The following CCDC57 variants were observed in gnomAD, a reference collection of about 807,000 sequenced individuals.
CCDC57 encodes coiled-coil domain containing 57.
Under a neutral mutation model 118.9 loss-of-function variants are expected in CCDC57, and 118 were observed. The ratio of observed to expected loss-of-function variants is 0.99; its 90% CI spans 0.86 to 1.16. The LOEUF (loss-of-function observed/expected upper bound fraction) is 1.16. Among genes scored for constraint, CCDC57 ranks in the 50% most tolerant of loss-of-function variants. CCDC57 has a pLI of 0.00. For synonymous variants in CCDC57, 527 were observed against 532.9 expected (o/e 0.99, Z 0.15); for missense variants, 1,300 against 1,320.7 (o/e 0.98, Z 0.24).
In CCDC57 at chr17:82,192,525, T is replaced by TA. The variant is rs1461486746; in HGVS notation, c.851+1230dup. Among the ~76,000 whole-genome samples, 2 of 152,218 alleles carry TA rather than the reference T, an allele frequency of 1.3e-5. No individual in the cohort carries two copies. The highest frequency in any genetic ancestry group is 2.9e-5 in the Non-Finnish European group (2 of 68,028). On this transcript the variant is annotated intron_variant, in intron 7 of 19. Coordinates refer to ENST00000665763, the Ensembl canonical transcript of CCDC57. The surrounding 1 kb of genome is among the most constrained non-coding windows in gnomAD (Gnocchi z 4.0). ...TTTTGAAAAATGCCAGGTGTAGACTTAAAAACACACGAAGAGAAACAGTGT... is the reference window on the plus strand; with the variant it reads ...TTTTGAAAAATGCCAGGTGTAGACTTAAAAAACACACGAAGAGAAACAGTGT...
intron 7 of CCDC57, among the ~76,000 whole-genome samples, chr17:82,189,174 G>A (rs1409843718): frequency 6.6e-6 from 1 of 151,878 alleles, no homozygotes; most frequent in African/African-American, 2.4e-5. Context: ...AGGCTGAGGT[G>A]GGAGGACCAC....
chr17:82,106,381 C>T (rs1175927666), intron 19 of CCDC57: 1 of 152,510 alleles, frequency 6.6e-6, no homozygotes, highest in Non-Finnish European at 1.5e-5. Context: ...CATCTGAGCT[C>T]AGCCCACAGG....
intron 16 of CCDC57, among the ~76,000 whole-genome samples, chr17:82,143,292 A>T (rs1330593134): frequency 6.6e-6 from 1 of 152,238 alleles, no homozygotes; most frequent in African/African-American, 2.4e-5. Flanking sequence ...AGCAAGAAAG[A>T]ATAAAAATAA....
intron 19 of CCDC57, among the ~76,000 whole-genome samples, chr17:82,107,057 AAGG>A (rs1350134748): frequency 1.3e-5 from 2 of 152,098 alleles, no homozygotes; most frequent in African/African-American, 4.8e-5. Flanking sequence ...GACAGCTGGG[AAGG>A]AGGCCACACG....
At chr17:82,110,034 G>C (rs1208089154) in intron 19 of CCDC57, among the ~76,000 whole-genome samples, 1 of 148,976 alleles carries the variant, frequency 6.7e-6, no homozygotes, top group Admixed American at 6.7e-5. Flanking sequence ...AGGCTGGAGT[G>C]CAATGGTGTG....
intron 7 of CCDC57, among the ~76,000 whole-genome samples, chr17:82,188,890 G>A (rs543697072): frequency 6.6e-6 from 1 of 152,334 alleles, no homozygotes; most frequent in Admixed American, 6.5e-5. Flanking sequence ...TTGAACTCAA[G>A]CAATCCTCTC....
At chr17:82,207,085 G>A (rs142007014) in intron 2 of CCDC57, among the ~76,000 whole-genome samples, 10 of 152,218 alleles carry the variant, frequency 6.6e-5, no homozygotes, top group East Asian at 1.9e-4. Context: ...GACTGGCCCC[G>A]GTTGTCCCAG....
intron 11 of CCDC57, among the ~76,000 whole-genome samples, chr17:82,173,519 G>A (rs367853180): frequency 5.5e-4 from 84 of 152,232 alleles, no homozygotes; most frequent in African/African-American, 1.7e-3. Flanking sequence ...GACAGGAGAC[G>A]CGTCTACAAC....
At chr17:82,145,167 C>T (rs1449750082) in intron 16 of CCDC57, among the ~76,000 whole-genome samples, 3 of 151,052 alleles carry the variant, frequency 2.0e-5, no homozygotes, top group South Asian at 2.1e-4. Flanking sequence ...ATTACAGGCA[C>T]GTGCCCCAAC....
chr17:82,178,274 G>A (rs1298449126), intron 11 of CCDC57, among the ~76,000 whole-genome samples, 200 bp downstream of exon 10: 1 of 152,142 alleles, frequency 6.6e-6, no homozygotes, highest in Non-Finnish European at 1.5e-5. Context: ...TAAAACTTTC[G>A]AATATGAAAG....
At chr17:82,113,309 C>T (rs988572277) in intron 19 of CCDC57, 2 of 674,352 alleles carry the variant, frequency 3.0e-6, no homozygotes, top group Non-Finnish European at 5.5e-6. Flanking sequence ...CCTGTAGCTT[C>T]AGTGACAAGG....
rs1053587475 is a variant in CCDC57 at position 82,212,479 on chromosome 17, G to A, written c.-211+306C>T. On this transcript the variant is annotated intron_variant, in intron 1 of 19. Transcript: ENST00000665763. The surrounding 1 kb of genome is among the most constrained non-coding windows in gnomAD (Gnocchi z 4.1). ...CCGTCCTTGCCGGCGGCGGAACCCG[G>A]GGAATTCTCCCGGGGCTGCGGGGCC... 6.7e-6 allele frequency among the ~76,000 whole-genome samples: 1 copy of A among 149,668 alleles called. No individual in the cohort carries two copies. Among genetic ancestry groups the A allele is most frequent in the African/African-American group, 2.5e-5 (1 of 40,590 alleles).
chr17:82,126,606 G>T (rs1048164541), intron 19 of CCDC57: 28 of 985,288 alleles, frequency 2.8e-5, no homozygotes, highest in Non-Finnish European at 3.1e-5. Flanking sequence ...ACCGGCAAAA[G>T]TTCCGTGTGG....
chr17:82,197,289 C>T (rs554132760), intron 4 of CCDC57, among the ~76,000 whole-genome samples: 39 of 152,268 alleles, frequency 2.6e-4, no homozygotes, highest in Admixed American at 2.1e-3. Flanking sequence ...ACAGGCACAG[C>T]CCCTCATCAC....
At chr17:82,180,933 C>T (rs893994195) in intron 9 of CCDC57, among the ~76,000 whole-genome samples, 3 of 152,226 alleles carry the variant, frequency 2.0e-5, no homozygotes, top group Non-Finnish European at 2.9e-5. Context: ...AACACACGAG[C>T]GGTGCGGGGC....
At chr17:82,167,836 C>G (rs2044196922) in intron 13 of CCDC57, among the ~76,000 whole-genome samples, 1 of 151,978 alleles carries the variant, frequency 6.6e-6, no homozygotes, top group South Asian at 2.1e-4. Flanking sequence ...GGCTGGCCTT[C>G]AACTACTGAC....
chr17:82,162,204 G>T (rs893126459), intron 14 of CCDC57, among the ~76,000 whole-genome samples: 3 of 152,086 alleles, frequency 2.0e-5, no homozygotes, highest in African/African-American at 7.2e-5. Context: ...TCACCATGTT[G>T]GCCAGGCTGG....
At chr17:82,146,431 T>C (rs991152533) in intron 16 of CCDC57, among the ~76,000 whole-genome samples, 3 of 152,054 alleles carry the variant, frequency 2.0e-5, no homozygotes, top group South Asian at 4.1e-4. Context: ...GTGCAGTGAT[T>C]ATTCACAGGC....
At chr17:82,202,138 C>T (rs980149108) in intron 2 of CCDC57, among the ~76,000 whole-genome samples, 186 bp from the exon 2 acceptor site, 1 of 152,110 alleles carries the variant, frequency 6.6e-6, no homozygotes, top group Non-Finnish European at 1.5e-5. Flanking sequence ...CAAGACCAGC[C>T]TGGCCAACAT....
Sources: allele counts gnomAD v4.1 joint callset (sites outside exome capture counted in the v4.1 genomes callset), GRCh38; gene constraint gnomAD v4.1.1; non-coding constraint Gnocchi (gnomAD v3.1); transcripts MANE v1.5; gene names NCBI Gene and HGNC (gene_info 2026-07-23, HGNC 2026-07-21).